Variants in GPR39 observed in about 807,000 individuals in gnomAD.
GPR39 encodes zinc sensing receptor.
In GPR39, 23 loss-of-function variants were observed where a neutral mutation model predicts 18.4. The observed-to-expected ratio is 1.25, with a 90% confidence interval of 0.90 to 1.77. GPR39 has a LOEUF of 1.77. Among genes scored for constraint, GPR39 ranks in the 40% most tolerant of loss-of-function variants. The pLI is 0.00. For missense variants in GPR39, 647 were observed against 602.4 expected, an observed-to-expected ratio of 1.07 and a Z score of -0.78; for synonymous variants, 280 against 257.9, an observed-to-expected ratio of 1.09 and a Z score of -0.82.
At chr2:132,470,117 A>G (rs557758237) in intron 1 of GPR39, among the ~76,000 whole-genome samples, 3 of 152,304 alleles carry the variant, frequency 2.0e-5, no homozygotes, top group African/African-American at 7.2e-5. Context: ...TCACAGGTGG[A>G]TATGGCCACC....
chr2:132,430,287 C>T (rs1680202152), intron 1 of GPR39, among the ~76,000 whole-genome samples: 1 of 152,166 alleles, frequency 6.6e-6, no homozygotes, highest in South Asian at 2.1e-4. Flanking sequence ...GAGCCCTGGA[C>T]ATTGGCATTA....
chr2:132,612,569 A>G (rs925444534), intron 1 of GPR39, among the ~76,000 whole-genome samples: 1 of 152,204 alleles, frequency 6.6e-6, no homozygotes, highest in Non-Finnish European at 1.5e-5. Context: ...GGAGATTGCC[A>G]TTGATCAAGC....
chr2:132,609,518 T>A (rs1681202737), intron 1 of GPR39, among the ~76,000 whole-genome samples: 1 of 152,132 alleles, frequency 6.6e-6, no homozygotes, highest in South Asian at 2.1e-4. Flanking sequence ...TAAGTCAGTG[T>A]TCTTAATTAC....
chr2:132,445,201 T>C (rs961850587), intron 1 of GPR39, among the ~76,000 whole-genome samples: 3 of 152,224 alleles, frequency 2.0e-5, no homozygotes, highest in African/African-American at 4.8e-5. Context: ...AGCATCCATA[T>C]GTTATTCTGA....
chr2:132,576,412 G>A (rs1235502700), intron 1 of GPR39, among the ~76,000 whole-genome samples: 1 of 152,096 alleles, frequency 6.6e-6, no homozygotes, highest in African/African-American at 2.4e-5. Context: ...CAGCACTTGA[G>A]GAGTCTGAGG....
intron 1 of GPR39, among the ~76,000 whole-genome samples, chr2:132,614,643 C>G (rs1681301290): frequency 1.3e-5 from 2 of 151,968 alleles, no homozygotes; most frequent in African/African-American, 4.8e-5. Flanking sequence ...CTCCACCTCC[C>G]AGGTTCAAGC....
chr2:132,511,993 C>A (rs187755346), intron 1 of GPR39, among the ~76,000 whole-genome samples: 1 of 152,310 alleles, frequency 6.6e-6, no homozygotes, highest in East Asian at 1.9e-4. Context: ...CCCTCACCCC[C>A]AGTCCCCAAT....
At chr2:132,610,989 T>G (rs546079303) in intron 1 of GPR39, among the ~76,000 whole-genome samples, 1 of 152,190 alleles carries the variant, frequency 6.6e-6, no homozygotes, top group Admixed American at 6.5e-5. Flanking sequence ...ATTTCATTGG[T>G]TAGGCCACAT....
intron 1 of GPR39, among the ~76,000 whole-genome samples, chr2:132,484,652 C>T (rs1421862414): frequency 6.6e-6 from 1 of 152,288 alleles, no homozygotes; most frequent in East Asian, 1.9e-4. Flanking sequence ...TAGGAATAAG[C>T]CTCAGGGGAT....
intron 1 of GPR39, among the ~76,000 whole-genome samples, chr2:132,446,485 G>A (rs1197688462): frequency 3.3e-5 from 5 of 152,240 alleles, no homozygotes; most frequent in Non-Finnish European, 5.9e-5. Context: ...CAGGCATTGT[G>A]CTAGGTGCTG....
At chr2:132,566,326 A>G (rs940293388) in intron 1 of GPR39, among the ~76,000 whole-genome samples, 30 of 149,642 alleles carry the variant, frequency 2.0e-4, no homozygotes, top group Middle Eastern at 3.4e-3. Flanking sequence ...AGTAGGTTGC[A>G]AAAATTTTCT....
intron 1 of GPR39, among the ~76,000 whole-genome samples, chr2:132,419,402 G>A (rs952873914): frequency 6.8e-6 from 1 of 146,930 alleles, no homozygotes; most frequent in African/African-American, 2.5e-5. Flanking sequence ...ATGCATGTCT[G>A]TTTGTGACTT....
chr2:132,578,879 G>A (rs1402399075), intron 1 of GPR39, among the ~76,000 whole-genome samples: 1 of 151,762 alleles, frequency 6.6e-6, no homozygotes, highest in African/African-American at 2.4e-5. Flanking sequence ...CTATTTCTTT[G>A]TTCATCTTGC....
Position 132,532,103 on chromosome 2 carries a change from A to C in GPR39, c.857-112998A>C, listed in dbSNP as rs1679648692. ...TCAACAAAATTGATAGACCACTAGC[A>C]AGACTAAGAAGAAAAGAGAGAAGAA... On this transcript the variant is annotated intron_variant, in intron 1 of 1. Coordinates refer to ENST00000329321, the MANE Select transcript of GPR39 (RefSeq NM_001508.3). Among the ~76,000 whole-genome samples the C allele has an allele frequency of 2.0e-5, 3 of 152,076 alleles. No homozygotes were observed. In the South Asian group the frequency reaches 6.2e-4, roughly 32 times the overall value.
chr2:132,501,054 G>GTTTTTTTTTTTTTTTTTTTTGTT (rs55720929), intron 1 of GPR39, among the ~76,000 whole-genome samples: 2 of 90,324 alleles, frequency 2.2e-5, no homozygotes, highest in African/African-American at 8.2e-5. Context: ...TATCTTTTGT[G>GTTTTTTTTTTTTTTTTTTTTGTT]TTTTTTTTTT....
At chr2:132,571,038 A>G (rs1291464124) in intron 1 of GPR39, among the ~76,000 whole-genome samples, 2 of 152,220 alleles carry the variant, frequency 1.3e-5, no homozygotes, top group African/African-American at 2.4e-5. Flanking sequence ...GGGAGCTCGA[A>G]CATGTTTACT....
At position 132,496,521 on chromosome 2, in the gene GPR39, C is replaced by G. The variant is rs62167449; in HGVS notation, c.856+78623C>G. On this transcript the variant is annotated intron_variant, in intron 1 of 1. Coordinates refer to ENST00000329321, the MANE Select transcript of GPR39 (RefSeq NM_001508.3). ...TGGTGATAACTTTATTAGTGATCCCCAACAAGGCAAATAAAACAGAAGTGT... is the reference window on the plus strand; with the variant it reads ...TGGTGATAACTTTATTAGTGATCCCGAACAAGGCAAATAAAACAGAAGTGT... Among the ~76,000 whole-genome samples the G allele has an allele frequency of 7.9e-3, 1,206 of 152,272 alleles. 5 individuals are homozygous for G. Among genetic ancestry groups the G allele is most frequent in the Middle Eastern group, 0.014 (4 of 294 alleles).
chr2:132,548,022 T>C (rs1679979550), intron 1 of GPR39, among the ~76,000 whole-genome samples: 1 of 152,206 alleles, frequency 6.6e-6, no homozygotes, highest in Non-Finnish European at 1.5e-5. Context: ...TCTTGCATAA[T>C]GTTTCTCCCA....
chr2:132,517,489 G>C (rs1679354207), intron 1 of GPR39, among the ~76,000 whole-genome samples: 1 of 152,108 alleles, frequency 6.6e-6, no homozygotes, highest in Non-Finnish European at 1.5e-5. Context: ...GCTCTCCCTT[G>C]ATCATGGCAA....
Sources: allele counts gnomAD v4.1 joint callset (sites outside exome capture counted in the v4.1 genomes callset), GRCh38; gene constraint gnomAD v4.1.1; transcripts MANE v1.5; gene names NCBI Gene and HGNC (gene_info 2026-07-23, HGNC 2026-07-21).